The following BLTP1 variants were observed in gnomAD, a reference collection of about 807,000 sequenced individuals.
The protein encoded by BLTP1 is fragile site-associated protein.
chr4:122,318,096 T>C, the BLTP1 span: 2 of 1,556,770 alleles, frequency 1.3e-6, no homozygotes. Context: ...AAAAAATCAG[T>C]CTTACTTTGT....
chr4:122,304,743 G>A, the BLTP1 span: 2 of 1,595,764 alleles, frequency 1.3e-6, no homozygotes, highest in East Asian at 2.2e-5. Context: ...ATTTGAGTAG[G>A]TATATGTTGT....
At chr4:122,202,931 CAT>C in the BLTP1 span, among the ~76,000 whole-genome samples, 1 of 151,752 alleles carries the variant, frequency 6.6e-6, no homozygotes, top group Non-Finnish European at 1.5e-5. Flanking sequence ...TTTTTAAAAA[CAT>C]AGATACAAAA....
At chr4:122,254,457 A>G in the BLTP1 span, 40 of 1,279,600 alleles carry the variant, frequency 3.1e-5, no homozygotes, top group Non-Finnish European at 3.8e-5. Flanking sequence ...TATAGTATTA[A>G]GGTTGCAACT....
the BLTP1 span, among the ~76,000 whole-genome samples, chr4:122,338,667 G>A: frequency 1.4e-4 from 21 of 152,092 alleles, no homozygotes; most frequent in East Asian, 2.3e-3. Flanking sequence ...CTCAAGTACC[G>A]CAGTCAGCCC....
the BLTP1 span, chr4:122,190,547 T>A: frequency 2.2e-5 from 16 of 722,432 alleles, no homozygotes; most frequent in African/African-American, 2.7e-4. Context: ...TCTGTGTCAT[T>A]TCTCAAAACT....
chr4:122,279,551 A>G, the BLTP1 span, among the ~76,000 whole-genome samples: 1 of 152,258 alleles, frequency 6.6e-6, no homozygotes, highest in Non-Finnish European at 1.5e-5. Context: ...CCTTCTTGGT[A>G]CTTTAAAGAA....
chr4:122,283,371 T>A, the BLTP1 span, among the ~76,000 whole-genome samples: 1 of 152,226 alleles, frequency 6.6e-6, no homozygotes, highest in South Asian at 2.1e-4. Flanking sequence ...TCTTAAGTGT[T>A]ATTTTTAATG....
chr4:122,236,885 A>G, the BLTP1 span: 11,852 of 985,328 alleles, frequency 0.012, 1,094 homozygotes, highest in African/African-American at 0.19. Flanking sequence ...TAACCCCTAC[A>G]TACGTACCTG....
the BLTP1 span, among the ~76,000 whole-genome samples, chr4:122,310,559 A>G: frequency 1.3e-5 from 2 of 152,136 alleles, no homozygotes; most frequent in Admixed American, 1.3e-4. Context: ...TAAGCGTAGT[A>G]AACTGGGGGA....
At chr4:122,344,732 A>C in the BLTP1 span, 2 of 1,269,278 alleles carry the variant, frequency 1.6e-6, no homozygotes, top group Non-Finnish European at 2.1e-6. Context: ...CCAAGTAATA[A>C]ATGTTAGGAA....
the BLTP1 span, among the ~76,000 whole-genome samples, chr4:122,332,181 G>A: frequency 4.2e-3 from 631 of 151,862 alleles, 2 homozygotes; most frequent in African/African-American, 0.014. Context: ...GGAACATGGA[G>A]GATCATTAAT....
the BLTP1 span, chr4:122,155,980 A>G: frequency 1.7e-4 from 162 of 971,654 alleles, no homozygotes; most frequent in African/African-American, 2.6e-3. Context: ...ATCTTTATGC[A>G]TATGTTAATG....
the BLTP1 span, chr4:122,208,781 C>A: frequency 2.1e-5 from 11 of 531,284 alleles, no homozygotes; most frequent in Non-Finnish European, 2.4e-5. Flanking sequence ...TTATCTCACT[C>A]GTGTAATCCC....
At chr4:122,193,958 GT>G in the BLTP1 span, among the ~76,000 whole-genome samples, 1 of 151,630 alleles carries the variant, frequency 6.6e-6, no homozygotes, top group Admixed American at 6.6e-5. Context: ...CGCCTCCCGG[GT>G]TCACGCCATT....
the BLTP1 span, among the ~76,000 whole-genome samples, chr4:122,352,650 G>A: frequency 6.6e-5 from 10 of 152,154 alleles, no homozygotes; most frequent in Non-Finnish European, 1.2e-4. Context: ...GTGAGCCACA[G>A]CACCCAGCCT....
chr4:122,258,573 G>T, the BLTP1 span: 1 of 1,268,526 alleles, frequency 7.9e-7, no homozygotes, highest in Non-Finnish European at 1.0e-6. Context: ...GGGTGGGGGA[G>T]AAAATAATAA....
the BLTP1 span, chr4:122,245,222 T>G: frequency 7.9e-7 from 1 of 1,265,050 alleles, no homozygotes; most frequent in Non-Finnish European, 1.1e-6. Flanking sequence ...AAAATTTTCT[T>G]TACAAGTTAA....
At chr4:122,199,796 C>T in the BLTP1 span, 15 of 407,874 alleles carry the variant, frequency 3.7e-5, no homozygotes, top group Non-Finnish European at 4.6e-5. Context: ...TTTTCTAGCC[C>T]CGCTGGATTT....
the BLTP1 span, among the ~76,000 whole-genome samples, chr4:122,191,684 G>A: frequency 4.2e-3 from 639 of 151,908 alleles, 2 homozygotes; most frequent in African/African-American, 0.014. Flanking sequence ...TTGAATTTTG[G>A]GGTAGTATCA....
Sources: allele counts gnomAD v4.1 joint callset (sites outside exome capture counted in the v4.1 genomes callset), GRCh38; gene constraint gnomAD v4.1.1; transcripts MANE v1.5; gene names NCBI Gene and HGNC (gene_info 2026-07-23, HGNC 2026-07-21).